The following MYBL2 variants were observed in gnomAD, a reference collection of about 807,000 sequenced individuals.
The protein encoded by MYBL2 is myb-related protein B.
Under a neutral mutation model 79.9 loss-of-function variants are expected in MYBL2, and 28 were observed. That is an observed-to-expected ratio of 0.35 (90% CI 0.26 to 0.48). MYBL2 has a LOEUF of 0.48. Ranked by LOEUF, MYBL2 falls within the 20% of genes least tolerant of loss-of-function variation. The probability of loss-of-function intolerance (pLI) is 0.99; values close to 1 mark genes in which losing one functional copy is unlikely to be tolerated. For synonymous variants in MYBL2, 378 were observed against 361.2 expected, an observed-to-expected ratio of 1.05 and a Z score of -0.53; for missense variants, 735 against 893.9, an observed-to-expected ratio of 0.82 and a Z score of 2.27.
intron 2 of MYBL2, among the ~76,000 whole-genome samples, chr20:43,677,785 C>T (rs1987045669): frequency 6.6e-6 from 1 of 152,078 alleles, no homozygotes; most frequent in Admixed American, 6.5e-5. Context: ...TGCCCGGCCA[C>T]CACCCCGTCT....
At chr20:43,707,958 T>C (rs1219436926) in intron 9 of MYBL2, among the ~76,000 whole-genome samples, 1 of 152,218 alleles carries the variant, frequency 6.6e-6, no homozygotes, top group Non-Finnish European at 1.5e-5. Flanking sequence ...TTCCTTAATC[T>C]TCGGAGAACA....
chr20:43,677,231 T>C (rs926060477), intron 2 of MYBL2, among the ~76,000 whole-genome samples: 3 of 152,202 alleles, frequency 2.0e-5, no homozygotes, highest in Admixed American at 1.3e-4. Flanking sequence ...CAGATTTCTC[T>C]CTGGAATGGA....
At chr20:43,668,187 G>T (rs1230393067) in intron 1 of MYBL2, among the ~76,000 whole-genome samples, 2 of 135,646 alleles carry the variant, frequency 1.5e-5, no homozygotes, top group East Asian at 2.2e-4. Flanking sequence ...GATAACCTTC[G>T]TTCCCTCTTT....
At chr20:43,703,048 T>A in intron 8 of MYBL2, 145 bp downstream of exon 8, 1 of 907,460 alleles carries the variant, frequency 1.1e-6, no homozygotes, top group Non-Finnish European at 1.6e-6. Flanking sequence ...TAAAAAAGAC[T>A]CAGAAAATGT....
intron 4 of MYBL2, among the ~76,000 whole-genome samples, chr20:43,683,810 T>C (rs1269811963): frequency 1.3e-5 from 2 of 151,992 alleles, no homozygotes; most frequent in African/African-American, 2.4e-5. Context: ...CGCCTCAGCC[T>C]CCCAAAGTGC....
At chr20:43,686,094 CAA>C (rs1240960234) in intron 4 of MYBL2, among the ~76,000 whole-genome samples, 1 of 151,404 alleles carries the variant, frequency 6.6e-6, no homozygotes, top group East Asian at 1.9e-4. Context: ...AAAAAAAAAT[CAA>C]AGTGATATGT....
At chr20:43,681,678 G>A (rs943666529) in intron 2 of MYBL2, 106 bp from the exon 3 acceptor site, 7 of 1,164,408 alleles carry the variant, frequency 6.0e-6, no homozygotes, top group Admixed American at 1.7e-5. Context: ...ACTTCATGAC[G>A]GAATGGATGA....
intron 2 of MYBL2, among the ~76,000 whole-genome samples, chr20:43,680,728 C>T (rs974833406): frequency 6.6e-6 from 1 of 152,070 alleles, no homozygotes; most frequent in African/African-American, 2.4e-5. Context: ...CCCCTGACCT[C>T]GTGATCTGCC....
At chr20:43,677,697 T>C (rs1484524951) in intron 2 of MYBL2, among the ~76,000 whole-genome samples, 6 of 149,180 alleles carry the variant, frequency 4.0e-5, no homozygotes, top group African/African-American at 1.2e-4. Context: ...GTCAGCCCCC[T>C]GCCTGGCCAG....
Position 43,699,704 on chromosome 20 carries a change from T to C in MYBL2, c.664-53T>C, listed in dbSNP as rs1182664813. ...GTTGTGTGGTTTAGCTGGAAACTACTATATAGTCTATATCTCAGCGAAATG... is the reference window on the plus strand; with the variant it reads ...GTTGTGTGGTTTAGCTGGAAACTACCATATAGTCTATATCTCAGCGAAATG... On this transcript the variant is annotated intron_variant, in intron 6 of 13. Coordinates refer to ENST00000217026, the MANE Select transcript of MYBL2 (RefSeq NM_002466.4). The C allele has an allele frequency of 4.4e-6, 7 of 1,578,768 alleles. No homozygotes were observed. In the Admixed American group the frequency reaches 5.3e-5, roughly 12 times the overall value.
intron 10 of MYBL2, among the ~76,000 whole-genome samples, chr20:43,710,423 G>T (rs1987879176): frequency 6.6e-6 from 1 of 152,164 alleles, no homozygotes; most frequent in Admixed American, 6.5e-5. Context: ...TGCTACTCTG[G>T]CCTGTCTCTG....
chr20:43,678,790 G>GGTTC (rs1987074606), intron 2 of MYBL2, among the ~76,000 whole-genome samples: 1 of 150,200 alleles, frequency 6.7e-6, no homozygotes, highest in Non-Finnish European at 1.5e-5. Context: ...CCCAGAGGCG[G>GGTTC]AAGTTGCAGT....
chr20:43,715,478 A>G (rs539895270), intron 13 of MYBL2, among the ~76,000 whole-genome samples, 195 bp downstream of exon 13: 2 of 152,300 alleles, frequency 1.3e-5, no homozygotes, highest in South Asian at 4.1e-4. Context: ...TTCTGATTTC[A>G]GTCTCAATGC....
intron 9 of MYBL2, 88 bp from the exon 10 acceptor site, chr20:43,709,875 G>A (rs1987866597): frequency 4.6e-6 from 5 of 1,086,258 alleles, no homozygotes; most frequent in Non-Finnish European, 6.7e-6. Flanking sequence ...GCCAAAGGTC[G>A]CACTGGGGGA....
Position 43,716,211 on chromosome 20 carries a change from C to G in MYBL2, c.*124C>G, listed in dbSNP as rs1988030372. 1 of 1,484,410 alleles carries G rather than the reference C, an allele frequency of 6.7e-7. No homozygotes were observed. The highest frequency in any genetic ancestry group is 9.1e-7 in the Non-Finnish European group (1 of 1,098,878). 92.0% of individuals were successfully genotyped at this position (1,484,410 alleles called of 1,614,324 possible). A position where few individuals can be genotyped will look rare whatever the true frequency, so the allele number is the denominator to read the frequency against. On this transcript the variant is annotated 3_prime_UTR_variant, in exon 14 of 14. Transcript: ENST00000217026. ...GGAGCCTTCTGCCACCAGCCCCTCC[C>G]CAGACTCTCAGGTGGAGGCAACAGG...
chr20:43,706,961 G>T (rs930284611), intron 9 of MYBL2, among the ~76,000 whole-genome samples: 2 of 151,184 alleles, frequency 1.3e-5, no homozygotes, highest in African/African-American at 4.9e-5. Context: ...TGATCCACTC[G>T]CCTCGGCTTC....
intron 13 of MYBL2, 115 bp downstream of exon 13, chr20:43,715,398 T>C (rs1345347905): frequency 1.2e-5 from 18 of 1,507,096 alleles, no homozygotes; most frequent in East Asian, 2.3e-5. Context: ...TCAGGGCCTT[T>C]GCATAGGCTG....
At chr20:43,687,128 C>G (rs543360762) in intron 5 of MYBL2, 56 bp downstream of exon 5, 1 of 1,561,442 alleles carries the variant, frequency 6.4e-7, no homozygotes, top group South Asian at 1.2e-5. Flanking sequence ...GCCCGTGTTT[C>G]TGATGGAGGA....
At chr20:43,682,674 C>T in intron 3 of MYBL2, 120 bp from the exon 4 acceptor site, 1 of 851,754 alleles carries the variant, frequency 1.2e-6, no homozygotes, top group Non-Finnish European at 2.0e-6. Context: ...ACAGGACACA[C>T]CTACCCAAGG....
Sources: gnomAD v4.1 joint callset for allele counts (sites outside exome capture counted in the v4.1 genomes callset) on GRCh38, gnomAD v4.1.1 for gene constraint, MANE v1.5 for transcripts, NCBI Gene and HGNC (gene_info 2026-07-23, HGNC 2026-07-21) for gene names.